DNM1: variants seen among roughly 807,000 people sequenced by gnomAD.
DNM1 encodes the protein dynamin 1.
DNM1 carries 29 observed loss-of-function variants against 104.6 expected under a neutral mutation model. The ratio of observed to expected loss-of-function variants is 0.28; its 90% CI spans 0.21 to 0.38. The LOEUF is 0.38. Ranked by LOEUF, DNM1 falls within the 10% of genes least tolerant of loss-of-function variation. The pLI is 1.00. For missense variants in DNM1, 640 were observed against 1,189.4 expected (o/e 0.54, Z 6.79); for synonymous variants, 445 against 475.8 (o/e 0.94, Z 0.84).
rs1219483961 is a variant in DNM1, at chr9:128,218,796, C to T, written c.385+65C>T. ...TTCTTGGCCACGCACCTCTGCGTGC[C>T]TCGCTCCTCCTGCAGACTCCGCCCC... On this transcript the variant is annotated intron_variant, in intron 3 of 21. Transcript: ENST00000372923. This position sits in a 1 kb window ranked among gnomAD's most constrained non-coding sequence, Gnocchi z 4.8. 2.7e-6 allele frequency: 4 copies of T among 1,505,554 alleles called. No homozygotes were observed. The highest frequency in any genetic ancestry group is 3.6e-6 in the Non-Finnish European group (4 of 1,123,542). 93.3% of individuals were successfully genotyped at this position (1,505,554 alleles called of 1,614,324 possible).
intron 10 of DNM1, chr9:128,233,708 C>T (rs1356975105): frequency 6.8e-6 from 3 of 441,388 alleles, no homozygotes; most frequent in East Asian, 9.6e-5. Flanking sequence ...GTCTGCGGGG[C>T]AGGCTCATTC....
rs144009221 is a variant in DNM1, at chr9:128,233,023, C to T, written c.1336-998C>T. 2.2e-3 allele frequency among the ~76,000 whole-genome samples: 335 copies of T among 152,308 alleles called. 3 individuals are homozygous for T. Among genetic ancestry groups the T allele is most frequent in the African/African-American group, 7.5e-3 (313 of 41,570 alleles). On this transcript the variant is annotated intron_variant, in intron 10 of 21. Coordinates refer to ENST00000372923, the MANE Select transcript of DNM1 (RefSeq NM_004408.4). ...GCCCCTAACTCAGCTCTCAAGCAGT[C>T]GGGGCAGGCTTTCTGGAGGAGCTGA...
chr9:128,232,733 T>C (rs1418672361), intron 10 of DNM1: 1 of 152,370 alleles, frequency 6.6e-6, no homozygotes, highest in African/African-American at 2.4e-5. Context: ...GTGGAGAGGG[T>C]GGGCCCACAG....
chr9:128,229,793 A>G (rs1835564156), intron 10 of DNM1, among the ~76,000 whole-genome samples: 1 of 151,908 alleles, frequency 6.6e-6, no homozygotes, highest in South Asian at 2.1e-4. Context: ...GGCACCTGTA[A>G]TCTCAGCCAC....
chr9:128,232,528 C>T (rs187390190), intron 10 of DNM1: 1 of 155,642 alleles, frequency 6.4e-6, no homozygotes, highest in Admixed American at 6.4e-5. Flanking sequence ...CTGCCTCTCC[C>T]ATGCCCCTCC....
In DNM1 at chr9:128,252,695, G is replaced by A. The variant is rs1383234380; in HGVS notation, c.2534+1755G>A. On this transcript the variant is annotated intron_variant, in intron 21 of 21. Transcript: ENST00000372923. ...AAGGCTCTTAGGTGGAGAAATGACAGCTGGACTTTAGCGAGCAAGCCCTAT... is the reference window on the plus strand; with the variant it reads ...AAGGCTCTTAGGTGGAGAAATGACAACTGGACTTTAGCGAGCAAGCCCTAT... 1.3e-5 allele frequency: 6 copies of A among 476,622 alleles called. No homozygotes were observed. In the Middle Eastern group the frequency reaches 2.5e-3, roughly 199 times the overall value. The allele number at this position is 476,622 out of a possible 1,614,324, so 29.5% of individuals were successfully genotyped here. A position where few individuals can be genotyped will look rare whatever the true frequency, so the allele number is the denominator to read the frequency against.
intron 20 of DNM1, 73 bp from the exon 21 acceptor site, chr9:128,250,652 T>A: frequency 1.6e-6 from 2 of 1,272,994 alleles, no homozygotes; most frequent in Non-Finnish European, 2.1e-6. Flanking sequence ...AGCACTGGGC[T>A]GGGGCGGGGC....
rs762288109 is a variant in DNM1, at chr9:128,255,122, G to A, written c.*408G>A. The A allele has an allele frequency of 1.7e-4, 30 of 175,412 alleles. No individual in the cohort carries two copies. The highest frequency in any genetic ancestry group is 3.3e-4 in the Non-Finnish European group (28 of 83,874). The allele number at this position is 175,412 out of a possible 1,614,324, so 10.9% of individuals were successfully genotyped here. ...CCCGGCCTGTGGACAGCCAGCCCCC[G>A]CCATCCCTCCCACCCCCTACCAAGC... is the stretch of plus-strand genomic sequence containing the variant. On this transcript the variant is annotated 3_prime_UTR_variant, in exon 22 of 22. Coordinates refer to ENST00000372923, the MANE Select transcript of DNM1 (RefSeq NM_004408.4).
chr9:128,254,716 C>T lies in DNM1; in HGVS notation c.*2C>T. On this transcript the variant is annotated 3_prime_UTR_variant, in exon 22 of 22. Coordinates refer to ENST00000372923, the MANE Select transcript of DNM1 (RefSeq NM_004408.4). The surrounding 1 kb of genome is among the most constrained non-coding windows in gnomAD (Gnocchi z 6.1). ...CCCAGGCCCCCCTTCGACCTCTAAA[C>T]AGATCCCTCCTCTTCTCGGAGACCT... 1 of 1,596,000 alleles carries T rather than the reference C, an allele frequency of 6.3e-7. No individual in the cohort carries two copies. Among genetic ancestry groups the T allele is most frequent in the African/African-American group, 1.3e-5 (1 of 74,932 alleles).
At position 128,243,273 on chromosome 9, in the gene DNM1, G is replaced by A. The variant is rs1361183209; in HGVS notation, c.1671+928G>A. Among the ~76,000 whole-genome samples the A allele has an allele frequency of 6.6e-6, 1 of 152,172 alleles. No individual in the cohort carries two copies. The highest frequency in any genetic ancestry group is 2.4e-5 in the African/African-American group (1 of 41,434). ...CACATCTGGATTCCAGAGGTGACCAGAGAGAATGGGGAGGGCTGGGGGTGG... is the reference window on the plus strand; with the variant it reads ...CACATCTGGATTCCAGAGGTGACCAAAGAGAATGGGGAGGGCTGGGGGTGG... On this transcript the variant is annotated intron_variant, in intron 15 of 21. Transcript: ENST00000372923. The surrounding 1 kb of genome is among the most constrained non-coding windows in gnomAD (Gnocchi z 4.0).
At chr9:128,216,868 G>A (rs1318080312) in intron 1 of DNM1, among the ~76,000 whole-genome samples, 1 of 152,170 alleles carries the variant, frequency 6.6e-6, no homozygotes, top group Non-Finnish European at 1.5e-5. Flanking sequence ...CATGAATAAG[G>A]CGCTGGCTGT....
At chr9:128,246,921 GCT>G (rs1359324315) in intron 16 of DNM1, 2 of 248,162 alleles carry the variant, frequency 8.1e-6, no homozygotes, top group African/African-American at 2.2e-5. Context: ...CTCTTCTCCT[GCT>G]CTCTTTCCTA....
Position 128,250,890 on chromosome 9 carries a change from TC to T in DNM1, c.2489del (p.Pro830LeufsTer58). 1 of 1,354,298 alleles carries T rather than the reference TC, an allele frequency of 7.4e-7. No homozygotes were observed. Among genetic ancestry groups the T allele is most frequent in the Non-Finnish European group, 9.5e-7 (1 of 1,056,572 alleles). 83.9% of individuals were successfully genotyped at this position (1,354,298 alleles called of 1,614,324 possible). ...PGASPDPFGP[P>X]PQVPSRPNRA... is the part of the protein sequence containing the mutation. ...GGGCTTCCCCTGACCCTTTCGGCCC[TC>T]CCCCTCAGGTGCCCTCGCGCCCCAA... On this transcript the variant is annotated frameshift_variant, in exon 21 of 22. Transcript: ENST00000372923. LOFTEE classifies it high-confidence loss of function.
At chr9:128,249,587 C>T (rs367770970) in intron 19 of DNM1, among the ~76,000 whole-genome samples, 4 of 150,588 alleles carry the variant, frequency 2.7e-5, no homozygotes, top group South Asian at 4.2e-4. Flanking sequence ...ACCCGGGAGG[C>T]GGAGGTTGCG....
At position 128,224,696 on chromosome 9, in the gene DNM1, C is replaced by G. The variant is rs568661377; in HGVS notation, c.1335+307C>G. Among the ~76,000 whole-genome samples, 1 of 152,060 alleles carries G rather than the reference C, an allele frequency of 6.6e-6. No individual in the cohort carries two copies. The highest frequency in any genetic ancestry group is 1.9e-4 in the East Asian group (1 of 5,140). On this transcript the variant is annotated intron_variant, in intron 10 of 21. Transcript: ENST00000372923. The surrounding 1 kb of genome is among the most constrained non-coding windows in gnomAD (Gnocchi z 4.3). Reference sequence around the variant, plus strand: ...GAATAGGGCTTGAGGGGACCCTGAGCCCCCTCCCTGTCCTCGGAGGTGTCA... The same window carrying G: ...GAATAGGGCTTGAGGGGACCCTGAGGCCCCTCCCTGTCCTCGGAGGTGTCA...
chr9:128,213,890 G>A (rs892444241), intron 1 of DNM1, among the ~76,000 whole-genome samples: 2 of 152,124 alleles, frequency 1.3e-5, no homozygotes, highest in East Asian at 1.9e-4. Flanking sequence ...TCAGACCTCA[G>A]CTTGAAATTC....
At position 128,222,515 on chromosome 9, in the gene DNM1, T is replaced by G. The variant is rs1247861339; in HGVS notation, c.1047T>G (p.Asp349Glu). ...DFEKRIEGSG[D>E]QIDTYELSGG... ...AGAAGCGCATTGAGGGCTCAGGAGATCAGATCGACACCTACGAACTGTCAG... is the reference window on the plus strand; with the variant it reads ...AGAAGCGCATTGAGGGCTCAGGAGAGCAGATCGACACCTACGAACTGTCAG... The change falls in exon 8 of 22, where the codon GAT (aspartate) becomes GAG (glutamate). Residue 349 changes from aspartate (D) to glutamate (E), a missense_variant. Around this residue, in one of 7 missense-constraint regions of DNM1, gnomAD observed 38 missense variants for 113.5 expected, o/e 0.33. Transcript: ENST00000372923. This position sits in a 1 kb window ranked among gnomAD's most constrained non-coding sequence, Gnocchi z 7.8. The G allele has an allele frequency of 6.2e-7, 1 of 1,614,142 alleles. No individual in the cohort carries two copies. Among genetic ancestry groups the G allele is most frequent in the Admixed American group, 1.7e-5 (1 of 60,014 alleles).
chr9:128,209,642 G>A (rs548411871), intron 1 of DNM1, among the ~76,000 whole-genome samples: 59 of 152,290 alleles, frequency 3.9e-4, no homozygotes, highest in South Asian at 1.0e-3. Flanking sequence ...ATGTGGAGGC[G>A]TGGGGACAGG....
chr9:128,207,768 G>A (rs564892957), intron 1 of DNM1, among the ~76,000 whole-genome samples: 2 of 152,260 alleles, frequency 1.3e-5, no homozygotes, highest in South Asian at 4.1e-4. Flanking sequence ...GGAAGCACTC[G>A]GGGCAGGGCC....
Sources: allele counts gnomAD v4.1 joint callset (sites outside exome capture counted in the v4.1 genomes callset), GRCh38; gene constraint gnomAD v4.1.1; regional missense constraint gnomAD v4.1.1; non-coding constraint Gnocchi (gnomAD v3.1); transcripts MANE v1.5; gene names NCBI Gene and HGNC (gene_info 2026-07-23, HGNC 2026-07-21).